The following NTM variants were observed in gnomAD, a reference collection of about 807,000 sequenced individuals.
NTM encodes neurotrimin, also known as IgLON family member 2.
NTM carries 13 observed loss-of-function variants against 42.1 expected under a neutral mutation model. That is an observed-to-expected ratio of 0.31 (90% CI 0.20 to 0.49). The LOEUF (loss-of-function observed/expected upper bound fraction) is 0.49. Ranked by LOEUF, NTM falls within the 20% of genes least tolerant of loss-of-function variation. The probability of loss-of-function intolerance (pLI) is 0.99; values close to 1 mark genes in which losing one functional copy is unlikely to be tolerated. For synonymous variants in NTM, 187 were observed against 179.2 expected (o/e 1.04, Z -0.35); for missense variants, 373 against 452.8 (o/e 0.82, Z 1.60).
At chr11:131,407,070 T>C (rs1370722738) in intron 1 of NTM, among the ~76,000 whole-genome samples, 1 of 152,224 alleles carries the variant, frequency 6.6e-6, no homozygotes, top group African/African-American at 2.4e-5. Context: ...GACGCAAGTC[T>C]GTCTCTAGCC....
intron 2 of NTM, among the ~76,000 whole-genome samples, chr11:132,016,400 C>T (rs1243097424): frequency 1.3e-5 from 2 of 151,858 alleles, no homozygotes; most frequent in African/African-American, 4.8e-5. Context: ...TATCTATAAT[C>T]CTTTTCTGGA....
chr11:132,136,344 T>G (rs1213503545), intron 2 of NTM, among the ~76,000 whole-genome samples: 1 of 152,104 alleles, frequency 6.6e-6, no homozygotes, highest in Non-Finnish European at 1.5e-5. Flanking sequence ...CCACCAAAGG[T>G]GAGAGGATGT....
chr11:132,308,791 A>C (rs1267613431), intron 5 of NTM, among the ~76,000 whole-genome samples: 1 of 152,192 alleles, frequency 6.6e-6, no homozygotes, highest in Non-Finnish European at 1.5e-5. Context: ...CATTTTAAAA[A>C]TCATATCACA....
rs1555108116 is a variant in NTM at position 131,424,600 on chromosome 11, C to CTTTTCTTTTTTTTTTTTTT, written c.82+53716_82+53717insCTTTTTTTTTTTTTTTTTT. 4.8e-4 allele frequency among the ~76,000 whole-genome samples: 27 copies of CTTTTCTTTTTTTTTTTTTT among 56,034 alleles called. 1 individual carries two copies. The highest frequency in any genetic ancestry group is 5.4e-4 in the Non-Finnish European group (17 of 31,690). 36.8% of individuals were successfully genotyped at this position (56,034 alleles called of 152,430 possible). A position where few individuals can be genotyped will look rare whatever the true frequency, so the allele number is the denominator to read the frequency against. ...AGTTGTTTTTTATTTCTTTTCTTTT[C>CTTTTCTTTTTTTTTTTTTT]TTTTTTTTTTTTTTTTTTGGCGCAA... On this transcript the variant is annotated intron_variant, in intron 1 of 8. Transcript: ENST00000683400.
At chr11:132,174,480 G>A (rs912317512) in intron 3 of NTM, among the ~76,000 whole-genome samples, 1 of 152,218 alleles carries the variant, frequency 6.6e-6, no homozygotes, top group African/African-American at 2.4e-5. Context: ...ATCGATGCTA[G>A]TGCAGTGACT....
At chr11:131,784,971 A>G (rs2088873756) in intron 1 of NTM, among the ~76,000 whole-genome samples, 2 of 152,072 alleles carry the variant, frequency 1.3e-5, no homozygotes, top group Non-Finnish European at 2.9e-5. Context: ...AATCAACTCT[A>G]CCTGATATAA....
chr11:131,676,369 A>G (rs552113381), intron 1 of NTM, among the ~76,000 whole-genome samples: 15 of 152,332 alleles, frequency 9.8e-5, no homozygotes, highest in African/African-American at 3.4e-4. Context: ...GGAAATTTTA[A>G]GGGTCTAAGC....
chr11:132,192,889 G>A (rs548276332), intron 3 of NTM, among the ~76,000 whole-genome samples: 8 of 152,194 alleles, frequency 5.3e-5, no homozygotes, highest in Admixed American at 1.3e-4. Context: ...ACCAAAGTTG[G>A]TCAAAAAGGA....
chr11:132,256,924 T>C (rs1156645843), intron 4 of NTM, among the ~76,000 whole-genome samples: 1 of 152,168 alleles, frequency 6.6e-6, no homozygotes, highest in Admixed American at 6.5e-5. Flanking sequence ...CATCTGTCAC[T>C]CTCCAATATT....
intron 1 of NTM, among the ~76,000 whole-genome samples, chr11:131,617,340 A>G (rs183587433): frequency 9.9e-5 from 15 of 152,282 alleles, no homozygotes; most frequent in African/African-American, 3.1e-4. Flanking sequence ...TCGTACGTGC[A>G]TATGTTTAAG....
intron 1 of NTM, among the ~76,000 whole-genome samples, chr11:131,765,971 C>T (rs1312235129): frequency 6.6e-6 from 1 of 152,164 alleles, no homozygotes; most frequent in Non-Finnish European, 1.5e-5. Flanking sequence ...AAACTATTGA[C>T]TAGCTGTACA....
At chr11:132,162,610 G>A (rs532429245) in intron 3 of NTM, among the ~76,000 whole-genome samples, 104 of 147,092 alleles carry the variant, frequency 7.1e-4, no homozygotes, top group Non-Finnish European at 1.4e-3. Flanking sequence ...ATGTGTGGGG[G>A]ACATGTGTGA....
rs542847520 is a variant in NTM at position 132,316,778 on chromosome 11, G to T, written c.934+2075G>T. On this transcript the variant is annotated intron_variant, in intron 7 of 8. Coordinates refer to ENST00000683400, the MANE Select transcript of NTM (RefSeq NM_001352005.2). ...GTGAGATGAGTATTTGCAGCCAATA[G>T]TTCGGATGTTATTGTGGCTCCTAGG... Among the ~76,000 whole-genome samples, 12 of 152,266 alleles carry T rather than the reference G, an allele frequency of 7.9e-5. No individual in the cohort carries two copies. The East Asian group carries it at 2.3e-3, about 29-fold the overall frequency.
In NTM at chr11:131,415,390, G is replaced by A. The variant is rs1054708088; in HGVS notation, c.82+44502G>A. On this transcript the variant is annotated intron_variant, in intron 1 of 8. Transcript: ENST00000683400. ...GGTGAGCACACACTGAATGCTATTC[G>A]TCTAAGCTGACAAACTCTTCTCCAG... Among the ~76,000 whole-genome samples, 7 of 152,130 alleles carry A rather than the reference G, an allele frequency of 4.6e-5. No homozygotes were observed. The South Asian group carries it at 8.3e-4, about 18-fold the overall frequency.
At chr11:132,170,998 T>C (rs1047836640) in intron 3 of NTM, among the ~76,000 whole-genome samples, 2 of 152,218 alleles carry the variant, frequency 1.3e-5, no homozygotes, top group Non-Finnish European at 2.9e-5. Context: ...GCTCATTAAA[T>C]TGTAGTTATC....
intron 4 of NTM, among the ~76,000 whole-genome samples, chr11:132,267,018 T>G (rs1291365954): frequency 1.3e-5 from 2 of 152,190 alleles, no homozygotes; most frequent in Non-Finnish European, 2.9e-5. Context: ...GCAGTTCAAA[T>G]AGCAGAGGAA....
At chr11:132,000,386 T>A (rs148597776) in intron 2 of NTM, among the ~76,000 whole-genome samples, 2 of 152,350 alleles carry the variant, frequency 1.3e-5, no homozygotes, top group Admixed American at 1.3e-4. Context: ...TTTTTGCTAC[T>A]CCTTCTTTCA....
At chr11:131,929,325 G>GT (rs1555180718) in intron 2 of NTM, among the ~76,000 whole-genome samples, 3 of 111,812 alleles carry the variant, frequency 2.7e-5, no homozygotes, top group South Asian at 2.6e-4. Flanking sequence ...TGAACCAACG[G>GT]GGGGGCACAT....
chr11:131,848,984 T>C (rs1364424599), intron 1 of NTM, among the ~76,000 whole-genome samples: 1 of 152,224 alleles, frequency 6.6e-6, no homozygotes, highest in East Asian at 1.9e-4. Context: ...AAAACAATTT[T>C]GCTGCTTAGA....
Sources: allele counts gnomAD v4.1 joint callset (sites outside exome capture counted in the v4.1 genomes callset), GRCh38; gene constraint gnomAD v4.1.1; transcripts MANE v1.5; gene names NCBI Gene and HGNC (gene_info 2026-07-23, HGNC 2026-07-21).